The following CYYR1 variants were observed in gnomAD, a reference collection of about 807,000 sequenced individuals.
CYYR1 encodes cysteine and tyrosine-rich protein 1.
CYYR1 carries 14 observed loss-of-function variants against 15.2 expected under a neutral mutation model. The ratio of observed to expected loss-of-function variants is 0.92; its 90% CI spans 0.61 to 1.44. The LOEUF (loss-of-function observed/expected upper bound fraction) is 1.44. Ranked by LOEUF, CYYR1 falls within the 40% of genes most tolerant of loss-of-function variation. CYYR1 has a pLI of 0.00. For synonymous variants in CYYR1, 80 were observed against 77.4 expected, an observed-to-expected ratio of 1.03 and a Z score of -0.18; for missense variants, 228 against 209.5, an observed-to-expected ratio of 1.09 and a Z score of -0.54.
intron 2 of CYYR1, among the ~76,000 whole-genome samples, chr21:26,539,235 G>A (rs1027414112): frequency 3.9e-5 from 6 of 152,094 alleles, no homozygotes; most frequent in African/African-American, 1.4e-4. Flanking sequence ...ACTTCTGGGT[G>A]AATGGATTTT....
chr21:26,566,802 A>G (rs1422873392), intron 1 of CYYR1, among the ~76,000 whole-genome samples: 1 of 152,152 alleles, frequency 6.6e-6, no homozygotes, highest in Non-Finnish European at 1.5e-5. Flanking sequence ...TGAGGTCAGG[A>G]GTCTGAGACC....
At chr21:26,471,165 A>G (rs979977139) in intron 3 of CYYR1, 2 of 152,232 alleles carry the variant, frequency 1.3e-5, no homozygotes, top group Non-Finnish European at 1.5e-5. Flanking sequence ...AAAGAGATTT[A>G]TAACAAACTT....
chr21:26,499,058 G>A (rs548082938), intron 2 of CYYR1, among the ~76,000 whole-genome samples: 1 of 152,106 alleles, frequency 6.6e-6, no homozygotes, highest in African/African-American at 2.4e-5. Context: ...AATAAAAGTC[G>A]AGAATGGAAA....
intron 2 of CYYR1, among the ~76,000 whole-genome samples, chr21:26,523,396 C>A (rs1481693533): frequency 6.6e-6 from 1 of 152,168 alleles, no homozygotes; most frequent in African/African-American, 2.4e-5. Flanking sequence ...CTGTTCACCA[C>A]ATGGCAGCAA....
Position 26,572,282 on chromosome 21 carries a change from G to A in CYYR1, c.73+586C>T, listed in dbSNP as rs1481511588. Among the ~76,000 whole-genome samples the A allele has an allele frequency of 2.6e-5, 4 of 152,298 alleles. No homozygotes were observed. In the East Asian group the frequency reaches 7.7e-4, roughly 29 times the overall value. ...CACTTTGCTTCGTTAATTATTAGCA[G>A]TTCTTACTACGAATAATTAGAAGGG... On this transcript the variant is annotated intron_variant, in intron 1 of 3. Coordinates refer to ENST00000652641, the MANE Select transcript of CYYR1 (RefSeq NM_001320768.2).
intron 2 of CYYR1, among the ~76,000 whole-genome samples, chr21:26,522,750 G>GA (rs58323850): frequency 0.053 from 8,097 of 152,166 alleles, 251 homozygotes; most frequent in South Asian, 0.064. Context: ...CATATACAGT[G>GA]AAAAAACCCA....
chr21:26,483,557 C>T (rs1327124446), intron 2 of CYYR1: 2 of 393,064 alleles, frequency 5.1e-6, no homozygotes, highest in African/African-American at 4.4e-5. Flanking sequence ...TCCATGAAAG[C>T]ATTCTCCAAT....
chr21:26,520,950 C>A (rs535743429), intron 2 of CYYR1, among the ~76,000 whole-genome samples: 1 of 152,122 alleles, frequency 6.6e-6, no homozygotes, highest in Non-Finnish European at 1.5e-5. Context: ...CCAAACACTG[C>A]GCGTTCTCAC....
chr21:26,482,312 A>C, intron 2 of CYYR1: 1 of 982,902 alleles, frequency 1.0e-6, no homozygotes, highest in Non-Finnish European at 1.2e-6. Context: ...TTCCATATAC[A>C]TATTGATATC....
At chr21:26,473,871 C>A (rs996352723) in intron 3 of CYYR1, among the ~76,000 whole-genome samples, 3 of 152,098 alleles carry the variant, frequency 2.0e-5, no homozygotes, top group Admixed American at 6.6e-5. Context: ...GCAGCACTAC[C>A]AAAGCACAGC....
intron 3 of CYYR1, among the ~76,000 whole-genome samples, chr21:26,473,339 C>T (rs2065059887): frequency 6.6e-6 from 1 of 152,062 alleles, no homozygotes; most frequent in Admixed American, 6.6e-5. Context: ...CCATTACCCG[C>T]ATCCCCAGCC....
At chr21:26,482,779 G>A (rs1278711658) in intron 2 of CYYR1, among the ~76,000 whole-genome samples, 1 of 151,902 alleles carries the variant, frequency 6.6e-6, no homozygotes, top group Non-Finnish European at 1.5e-5. Flanking sequence ...AATTCCCATG[G>A]CATTATAATT....
intron 2 of CYYR1, among the ~76,000 whole-genome samples, chr21:26,486,472 A>T (rs2065248981): frequency 6.6e-6 from 1 of 152,060 alleles, no homozygotes; most frequent in Non-Finnish European, 1.5e-5. Context: ...GAGGTTCATT[A>T]TTACCAGATT....
At chr21:26,537,395 C>A (rs998803167) in intron 2 of CYYR1, among the ~76,000 whole-genome samples, 11 of 152,230 alleles carry the variant, frequency 7.2e-5, no homozygotes, top group Middle Eastern at 3.4e-3. Flanking sequence ...GGTGGAGAGT[C>A]TGGCTTTTAT....
At chr21:26,563,830 C>A (rs114830404) in intron 2 of CYYR1, among the ~76,000 whole-genome samples, 3 of 152,168 alleles carry the variant, frequency 2.0e-5, no homozygotes, top group East Asian at 1.9e-4. Flanking sequence ...CTCTAAAATG[C>A]CCAAATTATA....
At chr21:26,570,654 A>G (rs1980951055) in intron 1 of CYYR1, among the ~76,000 whole-genome samples, 2 of 152,346 alleles carry the variant, frequency 1.3e-5, no homozygotes, top group Admixed American at 6.5e-5. Flanking sequence ...GCTTTGGGGA[A>G]AATAATTTAG....
At position 26,483,521 on chromosome 21, in the gene CYYR1, C is replaced by G. The variant is rs529191253; in HGVS notation, c.177-3092G>C. The G allele has an allele frequency of 2.0e-5, 13 of 654,288 alleles. No individual in the cohort carries two copies. The South Asian group carries it at 6.8e-4, about 34-fold the overall frequency. The allele number at this position is 654,288 out of a possible 1,614,324, so 40.5% of individuals were successfully genotyped here. On this transcript the variant is annotated intron_variant, in intron 2 of 3. Coordinates refer to ENST00000652641, the MANE Select transcript of CYYR1 (RefSeq NM_001320768.2). ...GACAAACTGAGATCAGACCATAGATCTTTTCCTTGGGGCTATTCATTTTTC... is the reference window on the plus strand; with the variant it reads ...GACAAACTGAGATCAGACCATAGATGTTTTCCTTGGGGCTATTCATTTTTC...
chr21:26,491,033 G>A (rs1240262935), intron 2 of CYYR1, among the ~76,000 whole-genome samples: 6 of 152,136 alleles, frequency 3.9e-5, no homozygotes, highest in African/African-American at 1.4e-4. Context: ...TTCCCTATGG[G>A]TGATTGCATT....
At chr21:26,556,388 C>A (rs1979782332) in intron 2 of CYYR1, among the ~76,000 whole-genome samples, 1 of 152,024 alleles carries the variant, frequency 6.6e-6, no homozygotes, top group Non-Finnish European at 1.5e-5. Flanking sequence ...CCTCTTAGGT[C>A]TGGAATGTGG....
Sources: allele counts gnomAD v4.1 joint callset (sites outside exome capture counted in the v4.1 genomes callset), GRCh38; gene constraint gnomAD v4.1.1; transcripts MANE v1.5; gene names NCBI Gene and HGNC (gene_info 2026-07-23, HGNC 2026-07-21).